INTS9: variants seen among roughly 807,000 people sequenced by gnomAD.
INTS9 encodes the protein protein related to CPSF subunits of 74 kDa.
INTS9 carries 55 observed loss-of-function variants against 79.7 expected under a neutral mutation model. The ratio of observed to expected loss-of-function variants is 0.69; its 90% CI spans 0.56 to 0.86. The LOEUF (loss-of-function observed/expected upper bound fraction) is 0.86. Among genes scored for constraint, INTS9 ranks in the 40% least tolerant of loss-of-function variants. The pLI is 0.00. For synonymous variants in INTS9, 319 were observed against 325.2 expected, an observed-to-expected ratio of 0.98 and a Z score of 0.20; for missense variants, 721 against 831.5, an observed-to-expected ratio of 0.87 and a Z score of 1.64.
chr8:28,770,966 AC>A lies in INTS9; in HGVS notation c.1662+15del. Reference sequence around the variant, plus strand: ...TGGGGAGAGGGTCCCCTGCACTCCCACCCAGCACCCCCTACCTGAAGCAAGT... The same window carrying A: ...TGGGGAGAGGGTCCCCTGCACTCCCACCAGCACCCCCTACCTGAAGCAAGT... On this transcript the variant is annotated intron_variant, in intron 15 of 16. Transcript: ENST00000521022. The A allele has an allele frequency of 2.5e-6, 4 of 1,606,480 alleles. No individual in the cohort carries two copies. The highest frequency in any genetic ancestry group is 2.6e-6 in the Non-Finnish European group (3 of 1,175,196).
At chr8:28,802,337 C>T (rs1804569712) in intron 8 of INTS9, among the ~76,000 whole-genome samples, 2 of 152,160 alleles carry the variant, frequency 1.3e-5, no homozygotes, top group Admixed American at 1.3e-4. Flanking sequence ...TACTATCAGG[C>T]TTTTGGTTAA....
At chr8:28,827,295 A>G (rs976588775) in intron 6 of INTS9, among the ~76,000 whole-genome samples, 29 of 152,226 alleles carry the variant, frequency 1.9e-4, no homozygotes, top group African/African-American at 6.5e-4. Flanking sequence ...GGGCTCTGAC[A>G]TGATGCCAAA....
chr8:28,813,406 C>T lies in INTS9; in HGVS notation c.609+86G>A, dbSNP rs149736223. 1,917 of 1,368,320 alleles carry T rather than the reference C, an allele frequency of 1.4e-3. 10 individuals carry two copies. Among genetic ancestry groups the T allele is most frequent in the South Asian group, 3.0e-3 (235 of 78,356 alleles). The allele number at this position is 1,368,320 out of a possible 1,614,324, so 84.8% of individuals were successfully genotyped here. On this transcript the variant is annotated intron_variant, in intron 7 of 16. Coordinates refer to ENST00000521022, the MANE Select transcript of INTS9 (RefSeq NM_018250.4). ...CTCAGCAATGGAATGGCTTTAAAAA[C>T]GTAACTATAGGATTCTTCCAAACAA...
At chr8:28,858,305 G>T (rs2131288016) in intron 2 of INTS9, among the ~76,000 whole-genome samples, 1 of 152,272 alleles carries the variant, frequency 6.6e-6, no homozygotes, top group South Asian at 2.1e-4. Context: ...GTTCCATGAG[G>T]GAAAGTAGGT....
At chr8:28,861,983 G>T in intron 1 of INTS9, 1 of 605,662 alleles carries the variant, frequency 1.7e-6, no homozygotes, top group Non-Finnish European at 2.1e-6. Flanking sequence ...AAGACACACA[G>T]CGAGGTCCCT....
chr8:28,843,477 C>T (rs1807315598), intron 4 of INTS9, among the ~76,000 whole-genome samples: 1 of 152,206 alleles, frequency 6.6e-6, no homozygotes, highest in Non-Finnish European at 1.5e-5. Context: ...CTGGAGGAAG[C>T]TGCTTTTCCT....
At chr8:28,779,772 C>T (rs1311183838) in intron 12 of INTS9, among the ~76,000 whole-genome samples, 3 of 152,200 alleles carry the variant, frequency 2.0e-5, no homozygotes, top group East Asian at 3.9e-4. Context: ...GGTTTGACCA[C>T]AGGCGTGTTC....
At chr8:28,804,905 G>A (rs923069095) in intron 8 of INTS9, among the ~76,000 whole-genome samples, 1 of 152,214 alleles carries the variant, frequency 6.6e-6, no homozygotes, top group Non-Finnish European at 1.5e-5. Context: ...GAATACAGCT[G>A]AGAATGAATT....
At chr8:28,876,359 G>A (rs1368811943) in intron 1 of INTS9, among the ~76,000 whole-genome samples, 2 of 152,032 alleles carry the variant, frequency 1.3e-5, no homozygotes, top group African/African-American at 2.4e-5. Context: ...AGTCTGGAAA[G>A]GGCTTACAAG....
chr8:28,853,410 T>C (rs1290355098), intron 2 of INTS9, among the ~76,000 whole-genome samples: 2 of 123,770 alleles, frequency 1.6e-5, no homozygotes, highest in African/African-American at 7.1e-5. Context: ...CAAAACTCCA[T>C]CTCAAAAAAA....
At chr8:28,888,705 C>G (rs937368441) in intron 1 of INTS9, among the ~76,000 whole-genome samples, 1 of 152,128 alleles carries the variant, frequency 6.6e-6, no homozygotes, top group Non-Finnish European at 1.5e-5. Context: ...TTTAGTGACC[C>G]GCATCCTTCC....
In INTS9 at chr8:28,768,006, A is replaced by C. The variant is rs528123355; in HGVS notation, c.*140T>G. The stretch of plus-strand genomic sequence containing the variant: ...GGAATAAGTCCAGACCATTTCCCTC[A>C]AGAGCCACCTCTTCACTCCTTAAGC... On this transcript the variant is annotated 3_prime_UTR_variant, in exon 17 of 17. Coordinates refer to ENST00000521022, the MANE Select transcript of INTS9 (RefSeq NM_018250.4). 2.2e-4 allele frequency: 171 copies of C among 760,906 alleles called. No homozygotes were observed. In the African/African-American group the frequency reaches 2.7e-3, roughly 12 times the overall value. The allele number at this position is 760,906 out of a possible 1,614,324, so 47.1% of individuals were successfully genotyped here.
intron 13 of INTS9, among the ~76,000 whole-genome samples, chr8:28,777,407 CAAATGACCAAA>C (rs1802951697): frequency 6.6e-6 from 1 of 152,116 alleles, no homozygotes; most frequent in Non-Finnish European, 1.5e-5. Context: ...TGAAGTGAAA[CAAATGACCAAA>C]AACTGCCACA....
chr8:28,803,717 T>C (rs879907877), intron 8 of INTS9, among the ~76,000 whole-genome samples: 7 of 152,194 alleles, frequency 4.6e-5, no homozygotes, highest in Non-Finnish European at 1.0e-4. Context: ...AGGCTGCAAA[T>C]AGCTCTTAAT....
chr8:28,790,473 A>G (rs1803860452), intron 10 of INTS9, among the ~76,000 whole-genome samples: 1 of 152,130 alleles, frequency 6.6e-6, no homozygotes, highest in South Asian at 2.1e-4. Flanking sequence ...AACTATGGAC[A>G]TGCACCACCA....
chr8:28,847,371 G>C (rs1196604793), intron 3 of INTS9, among the ~76,000 whole-genome samples: 2 of 151,800 alleles, frequency 1.3e-5, no homozygotes, highest in Non-Finnish European at 2.9e-5. Context: ...GGAGAGTTAA[G>C]AGCCTGAAAC....
chr8:28,861,215 A>G (rs1365835963), intron 1 of INTS9, among the ~76,000 whole-genome samples: 1 of 152,270 alleles, frequency 6.6e-6, no homozygotes, highest in African/African-American at 2.4e-5. Context: ...CTTCTTTGAT[A>G]GGTATCAGGA....
chr8:28,799,486 ATGTT>A (rs1804406060), intron 8 of INTS9: 2 of 152,254 alleles, frequency 1.3e-5, no homozygotes, highest in African/African-American at 4.8e-5. Flanking sequence ...GTCAGACTGG[ATGTT>A]TGTAATTTTA....
chr8:28,780,227 T>TAAAA (rs560903797), intron 12 of INTS9: 1 of 39,842 alleles, frequency 2.5e-5, no homozygotes, highest in African/African-American at 1.5e-4. Context: ...ACTGATGAGC[T>TAAAA]AAAAAAAAAA....
Sources: gnomAD v4.1 joint callset for allele counts (sites outside exome capture counted in the v4.1 genomes callset) on GRCh38, gnomAD v4.1.1 for gene constraint, MANE v1.5 for transcripts, NCBI Gene and HGNC (gene_info 2026-07-23, HGNC 2026-07-21) for gene names.